BCAR3: variants seen among roughly 807,000 people sequenced by gnomAD.
BCAR3 encodes breast cancer anti-estrogen resistance protein 3.
Under a neutral mutation model 80.1 loss-of-function variants are expected in BCAR3, and 37 were observed. The ratio of observed to expected loss-of-function variants is 0.46; its 90% CI spans 0.36 to 0.61. BCAR3 has a LOEUF of 0.61. Among genes scored for constraint, BCAR3 ranks in the 20% least tolerant of loss-of-function variants. The probability of loss-of-function intolerance (pLI) is 0.00; values close to 1 mark genes in which losing one functional copy is unlikely to be tolerated. For missense variants in BCAR3, 978 were observed against 1,068.2 expected, an observed-to-expected ratio of 0.92 and a Z score of 1.18; for synonymous variants, 389 against 418.9, an observed-to-expected ratio of 0.93 and a Z score of 0.87.
intron 2 of BCAR3, among the ~76,000 whole-genome samples, chr1:93,706,419 C>T (rs963997352): frequency 6.6e-6 from 1 of 152,048 alleles, no homozygotes; most frequent in African/African-American, 2.4e-5. Context: ...CCCTTATTTG[C>T]CAGGGAAGTC....
chr1:93,821,545 G>A (rs1654222689), intron 2 of BCAR3, among the ~76,000 whole-genome samples: 2 of 152,192 alleles, frequency 1.3e-5, no homozygotes, highest in Admixed American at 1.3e-4. Flanking sequence ...GTTACTGGGT[G>A]GTGAAATGTT....
chr1:93,753,062 G>A (rs1244621612), intron 2 of BCAR3: 2 of 152,124 alleles, frequency 1.3e-5, no homozygotes, highest in Admixed American at 6.5e-5. Context: ...TACTTGTATT[G>A]TGCTTTAAAA....
At chr1:93,805,508 T>C (rs556868708) in intron 2 of BCAR3, among the ~76,000 whole-genome samples, 1 of 152,344 alleles carries the variant, frequency 6.6e-6, no homozygotes, top group South Asian at 2.1e-4. Context: ...AGACACTGTA[T>C]AGACTGCCTG....
At chr1:93,768,257 A>G (rs1557681895) in intron 2 of BCAR3, among the ~76,000 whole-genome samples, 1 of 136,622 alleles carries the variant, frequency 7.3e-6, no homozygotes, top group Non-Finnish European at 1.5e-5. Context: ...GACTGAGTGA[A>G]TGTGTGTGTG....
Position 93,576,229 on chromosome 1 carries a change from G to GGA in BCAR3, c.1687-102_1687-101dup. 9 of 686,230 alleles carry GGA rather than the reference G, an allele frequency of 1.3e-5. No homozygotes were observed. In the South Asian group the frequency reaches 1.4e-4, roughly 11 times the overall value. The allele number at this position is 686,230 out of a possible 1,614,324, so 42.5% of individuals were successfully genotyped here. A position where few individuals can be genotyped will look rare whatever the true frequency, so the allele number is the denominator to read the frequency against. ...GAAACACACTGAACTACGATGGCGT[G>GGA]GACACTTTATGAGTTACATTTCTTT... is the stretch of plus-strand genomic sequence containing the variant. On this transcript the variant is annotated intron_variant, in intron 7 of 11. Transcript: ENST00000260502.
At chr1:93,562,768 CAAAAAAAAA>C (rs35374992) in intron 11 of BCAR3, among the ~76,000 whole-genome samples, 2 of 76,898 alleles carry the variant, frequency 2.6e-5, no homozygotes, top group East Asian at 3.6e-4. Context: ...GACTCCATCT[CAAAAAAAAA>C]AAAAAAAAAA....
At chr1:93,807,982 G>C (rs890286293) in intron 2 of BCAR3, among the ~76,000 whole-genome samples, 2 of 150,018 alleles carry the variant, frequency 1.3e-5, no homozygotes, top group African/African-American at 4.9e-5. Context: ...AGGTTGCAGT[G>C]AGCTGAGATC....
chr1:93,809,095 G>T, intron 2 of BCAR3, among the ~76,000 whole-genome samples: 1 of 152,114 alleles, frequency 6.6e-6, no homozygotes, highest in East Asian at 1.9e-4. Context: ...TTGACAAAGT[G>T]AAGAGTAAAG....
chr1:93,653,664 C>T (rs1325310108), intron 2 of BCAR3, among the ~76,000 whole-genome samples: 2 of 152,144 alleles, frequency 1.3e-5, no homozygotes, highest in Non-Finnish European at 2.9e-5. Flanking sequence ...GCTTAACAGA[C>T]CCAACAAAGC....
At chr1:93,626,162 G>A (rs1184189460) in intron 3 of BCAR3, among the ~76,000 whole-genome samples, 1 of 152,156 alleles carries the variant, frequency 6.6e-6, no homozygotes, top group Non-Finnish European at 1.5e-5. Flanking sequence ...CCACTCCACT[G>A]CAAGGAACAG....
At chr1:93,672,068 A>C (rs1648236097) in intron 2 of BCAR3, among the ~76,000 whole-genome samples, 1 of 152,172 alleles carries the variant, frequency 6.6e-6, no homozygotes, top group African/African-American at 2.4e-5. Context: ...AAAAGATGTG[A>C]ATTTGGATTA....
At chr1:93,749,573 A>G (rs1469403632) in intron 2 of BCAR3, among the ~76,000 whole-genome samples, 28 of 147,296 alleles carry the variant, frequency 1.9e-4, no homozygotes, top group Non-Finnish European at 3.9e-4. Flanking sequence ...TGGGTGACAG[A>G]GCGAGACTCC....
At chr1:93,588,221 T>C (rs1036749177) in intron 5 of BCAR3, among the ~76,000 whole-genome samples, 1 of 152,078 alleles carries the variant, frequency 6.6e-6, no homozygotes, top group Non-Finnish European at 1.5e-5. Flanking sequence ...TGAAAAAGTG[T>C]GTTTTATCCT....
chr1:93,703,566 T>TAAAAAA (rs1439567076), intron 3 of BCAR3, among the ~76,000 whole-genome samples: 48 of 45,634 alleles, frequency 1.1e-3, no homozygotes, highest in African/African-American at 1.6e-3. Context: ...CCCTGTCTCT[T>TAAAAAA]AAAAAGAAAA....
At chr1:93,595,589 T>C (rs1025367302) in intron 3 of BCAR3, among the ~76,000 whole-genome samples, 1 of 152,220 alleles carries the variant, frequency 6.6e-6, no homozygotes, top group African/African-American at 2.4e-5. Context: ...GAACTTTCAC[T>C]ACTGCCTTCG....
At chr1:93,667,293 C>T (rs1647962916) in intron 2 of BCAR3, among the ~76,000 whole-genome samples, 1 of 152,194 alleles carries the variant, frequency 6.6e-6, no homozygotes, top group African/African-American at 2.4e-5. Context: ...ATGGGACCTG[C>T]TCAACGCAGA....
intron 2 of BCAR3, among the ~76,000 whole-genome samples, chr1:93,814,696 CTGG>C (rs757159074): frequency 1.2e-4 from 18 of 152,236 alleles, no homozygotes; most frequent in Non-Finnish European, 2.2e-4. Flanking sequence ...CCGGCATCCA[CTGG>C]TGTTACAGCC....
At chr1:93,618,807 CCTT>C (rs1675216128) in intron 3 of BCAR3, among the ~76,000 whole-genome samples, 1 of 152,180 alleles carries the variant, frequency 6.6e-6, no homozygotes, top group Non-Finnish European at 1.5e-5. Flanking sequence ...CATGGGCCCT[CCTT>C]CTAGAGCAAA....
intron 7 of BCAR3, among the ~76,000 whole-genome samples, chr1:93,580,290 C>T (rs1178379782): frequency 6.6e-6 from 1 of 152,092 alleles, no homozygotes; most frequent in Non-Finnish European, 1.5e-5. Flanking sequence ...GGAAGGAAAA[C>T]CCAGTTCCTA....
Sources: gnomAD v4.1 joint callset for allele counts (sites outside exome capture counted in the v4.1 genomes callset) on GRCh38, gnomAD v4.1.1 for gene constraint, MANE v1.5 for transcripts, NCBI Gene and HGNC (gene_info 2026-07-23, HGNC 2026-07-21) for gene names.